The following PRRG1 variants were observed in gnomAD, a reference collection of about 807,000 sequenced individuals.
The protein encoded by PRRG1 is transmembrane gamma-carboxyglutamic acid protein 1.
A neutral mutation model predicts 11.8 loss-of-function variants in PRRG1; 5 were observed. That is an observed-to-expected ratio of 0.42 (90% confidence interval 0.22 to 0.89). PRRG1 has a LOEUF of 0.89. PRRG1 is among the 40% of genes least tolerant of loss of function. The probability of loss-of-function intolerance (pLI) is 0.28; values close to 1 mark genes in which losing one functional copy is unlikely to be tolerated. For synonymous variants in PRRG1, 66 were observed against 60.4 expected (o/e 1.09, Z -0.43); for missense variants, 155 against 166.1 (o/e 0.93, Z 0.37).
In PRRG1 at chrX:37,454,340, A is replaced by T. The variant is rs1390954436; in HGVS notation, c.*719A>T. 1 of 111,436 alleles carries T rather than the reference A, an allele frequency of 9.0e-6. No homozygotes were observed. Among genetic ancestry groups the T allele is most frequent in the Admixed American group, 9.5e-5 (1 of 10,489 alleles). 9.2% of individuals were successfully genotyped at this position (111,436 alleles called of 1,213,427 possible). ...TTCCAAAATTAAACAGTGTTTTCTT[A>T]GCATCTTGAATATCTCCTGCGGTGT... is the stretch of plus-strand genomic sequence containing the variant. On this transcript the variant is annotated 3_prime_UTR_variant, in exon 4 of 4. Coordinates refer to ENST00000378628, the MANE Select transcript of PRRG1 (RefSeq NM_001142395.2).
In PRRG1 at chrX:37,403,440, G is replaced by A. The variant is rs782117667; in HGVS notation, c.-41-2769G>A. Reference sequence around the variant, plus strand: ...TGGGAATTGAACAGTGAGAACACATGGACACAGGAAGGGGAACATCACACT... The same window carrying A: ...TGGGAATTGAACAGTGAGAACACATAGACACAGGAAGGGGAACATCACACT... On this transcript the variant is annotated intron_variant, in intron 1 of 3. Coordinates refer to ENST00000378628, the MANE Select transcript of PRRG1 (RefSeq NM_001142395.2). Among the ~76,000 whole-genome samples, 182 of 89,439 alleles carry A rather than the reference G, an allele frequency of 2.0e-3. 1 individual carries two copies. Among genetic ancestry groups the A allele is most frequent in the Non-Finnish European group, 3.5e-3 (164 of 46,823 alleles). The allele number at this position is 89,439 out of a possible 115,157, so 77.7% of individuals were successfully genotyped here.
At chrX:37,449,557 A>C (rs5917626) in intron 3 of PRRG1, among the ~76,000 whole-genome samples, 2,178 of 111,653 alleles carry the variant, frequency 0.02, 54 homozygotes, top group African/African-American at 0.067. Context: ...AGCTCACAGG[A>C]TGAAACGTCT....
At chrX:37,352,358 T>G (rs1930095589) in intron 1 of PRRG1, among the ~76,000 whole-genome samples, 1 of 112,036 alleles carries the variant, frequency 8.9e-6, no homozygotes. Flanking sequence ...AAAAATAGCA[T>G]TAGTCATTGT....
Position 37,373,061 on chromosome X carries a change from C to T in PRRG1, c.-42+23666C>T, listed in dbSNP as rs552483704. ...TATTTATTGAAGAGACTCTCCTTTT[C>T]CCATTATGTGTTCTTGGCCCCTTTT... On this transcript the variant is annotated intron_variant, in intron 1 of 3. Coordinates refer to ENST00000378628, the MANE Select transcript of PRRG1 (RefSeq NM_001142395.2). Among the ~76,000 whole-genome samples the T allele has an allele frequency of 2.1e-4, 24 of 112,102 alleles. 1 individual carries two copies. The South Asian group carries it at 8.6e-3, about 40-fold the overall frequency.
chrX:37,428,737 T>C (rs939656170), intron 3 of PRRG1, among the ~76,000 whole-genome samples: 9 of 112,112 alleles, frequency 8.0e-5, no homozygotes, highest in Admixed American at 1.9e-4. Context: ...CTCCACTATA[T>C]AGTACCCCAG....
chrX:37,350,440 G>T (rs1322444074), intron 1 of PRRG1, among the ~76,000 whole-genome samples: 1 of 111,703 alleles, frequency 9.0e-6, no homozygotes, highest in Non-Finnish European at 1.9e-5. Context: ...AAGTTGGTTA[G>T]GCTACTGTTG....
intron 2 of PRRG1, among the ~76,000 whole-genome samples, chrX:37,421,402 C>T (rs1157955608): frequency 1.8e-5 from 2 of 111,931 alleles, no homozygotes; most frequent in Non-Finnish European, 3.8e-5. Flanking sequence ...CTTGTCACAT[C>T]ATATAATCCT....
At chrX:37,392,525 CAA>C (rs782287901) in intron 1 of PRRG1, among the ~76,000 whole-genome samples, 1 of 90,831 alleles carries the variant, frequency 1.1e-5, no homozygotes, top group Admixed American at 1.2e-4. Context: ...CCTGTCTATA[CAA>C]AAAAAAAAAA....
intron 1 of PRRG1, among the ~76,000 whole-genome samples, chrX:37,386,947 G>A (rs984801884): frequency 3.3e-4 from 37 of 111,788 alleles, no homozygotes; most frequent in African/African-American, 9.4e-4. Context: ...TTAAAGATAC[G>A]AGTTGCCAGG....
At chrX:37,426,813 T>C (rs1431974647) in intron 3 of PRRG1, among the ~76,000 whole-genome samples, 2 of 112,270 alleles carry the variant, frequency 1.8e-5, no homozygotes, top group Admixed American at 9.4e-5. Flanking sequence ...CTTTTTCCCT[T>C]TGCATCCGCT....
chrX:37,429,191 G>C (rs973683509), intron 3 of PRRG1, among the ~76,000 whole-genome samples: 4 of 112,386 alleles, frequency 3.6e-5, no homozygotes, highest in Non-Finnish European at 7.5e-5. Flanking sequence ...TTTCCTCATT[G>C]TCTTGGGGAT....
chrX:37,416,750 A>G (rs1415940), intron 2 of PRRG1, among the ~76,000 whole-genome samples: 10,755 of 112,152 alleles, frequency 0.096, 1,236 homozygotes, highest in African/African-American at 0.33. Flanking sequence ...AAATCAGTTT[A>G]CATAATTGCT....
intron 3 of PRRG1, among the ~76,000 whole-genome samples, chrX:37,427,277 A>T (rs982753506): frequency 8.9e-6 from 1 of 112,131 alleles, no homozygotes; most frequent in Non-Finnish European, 1.9e-5. Context: ...TTTTACAAAA[A>T]AAATTTATTG....
intron 1 of PRRG1, among the ~76,000 whole-genome samples, chrX:37,392,864 G>A (rs1468099295): frequency 1.8e-5 from 2 of 111,362 alleles, no homozygotes; most frequent in South Asian, 3.7e-4. Flanking sequence ...ACAGACACAG[G>A]TTAACTATTT....
At chrX:37,429,995 T>C (rs1932810068) in intron 3 of PRRG1, among the ~76,000 whole-genome samples, 1 of 111,833 alleles carries the variant, frequency 8.9e-6, no homozygotes, top group African/African-American at 3.3e-5. Flanking sequence ...CAGGAAAGAC[T>C]GGCCCCCATG....
intron 3 of PRRG1, chrX:37,441,243 C>A (rs1031892254): frequency 2.1e-5 from 16 of 772,888 alleles, no homozygotes; most frequent in Non-Finnish European, 2.5e-5. Context: ...ACAGAGGGGA[C>A]CAATTAGGGG....
At chrX:37,360,617 G>A (rs1216477307) in intron 1 of PRRG1, among the ~76,000 whole-genome samples, 1 of 112,461 alleles carries the variant, frequency 8.9e-6, no homozygotes, top group Non-Finnish European at 1.9e-5. Context: ...TGAGAAAAAT[G>A]TGTAATTTTC....
At chrX:37,406,059 G>A (rs1932180639) in intron 1 of PRRG1, 150 bp from the exon 2 acceptor site, 1 of 438,303 alleles carries the variant, frequency 2.3e-6, no homozygotes, top group Non-Finnish European at 3.7e-6. Context: ...TTCTCTTTGT[G>A]AGGGAGAAAA....
At chrX:37,402,273 G>A (rs1932022209) in intron 1 of PRRG1, among the ~76,000 whole-genome samples, 1 of 111,514 alleles carries the variant, frequency 9.0e-6, no homozygotes, top group African/African-American at 3.3e-5. Context: ...GCATGGTACT[G>A]GTACCAAAAC....
Sources: allele counts gnomAD v4.1 joint callset (sites outside exome capture counted in the v4.1 genomes callset), GRCh38; gene constraint gnomAD v4.1.1; transcripts MANE v1.5; gene names NCBI Gene and HGNC (gene_info 2026-07-23, HGNC 2026-07-21).